The following LRRC43 variants were observed in gnomAD, a reference collection of about 807,000 sequenced individuals.
LRRC43 encodes the protein leucine rich repeat containing 43, also known as leucine-rich repeat-containing protein 43.
In LRRC43, 62 loss-of-function variants were observed where a neutral mutation model predicts 64.3. That is an observed-to-expected ratio of 0.96 (90% confidence interval 0.79 to 1.19). The LOEUF (loss-of-function observed/expected upper bound fraction) is 1.19. LRRC43 is among the 50% of genes most tolerant of loss of function. LRRC43 has a pLI of 0.00. For missense variants in LRRC43, 868 were observed against 845.0 expected, an observed-to-expected ratio of 1.03 and a Z score of -0.34; for synonymous variants, 422 against 382.3, an observed-to-expected ratio of 1.10 and a Z score of -1.21.
chr12:122,182,906 A>G, upstream of LRRC43: 1 of 561,556 alleles, frequency 1.8e-6, no homozygotes, highest in Non-Finnish European at 3.0e-6. Flanking sequence ...GGAGTGCTTG[A>G]CAGGAGCTAA....
intron 1 of LRRC43, chr12:122,172,612 C>T: frequency 6.2e-7 from 1 of 1,614,104 alleles, no homozygotes; most frequent in Non-Finnish European, 8.5e-7. Flanking sequence ...GATTTGTTGT[C>T]TAGCTGTCTG....
Position 122,200,873 on chromosome 12 carries a change from C to T in LRRC43, c.1748C>T (p.Ser583Phe). ...CTGCTCGCCGGGGAGCCCCTGGTGTCCACCGTGTGCAACTTCGGCGTGGTC... is the reference window on the plus strand; with the variant it reads ...CTGCTCGCCGGGGAGCCCCTGGTGTTCACCGTGTGCAACTTCGGCGTGGTC... ...EPLLAGEPLV[S>F]TVCNFGVVRT... is the part of the protein sequence containing the mutation. Residue 583 changes from serine (S) to phenylalanine (F), a missense_variant, in exon 10 of 12, where the codon TCC (serine) becomes TTC (phenylalanine). Transcript: ENST00000339777. The surrounding 1 kb of genome is among the most constrained non-coding windows in gnomAD (Gnocchi z 4.6). 1 of 1,612,930 alleles carries T rather than the reference C, an allele frequency of 6.2e-7. No individual in the cohort carries two copies. The highest frequency in any genetic ancestry group is 2.2e-5 in the East Asian group (1 of 44,880).
chr12:122,196,614 A>C (rs1953775048), intron 7 of LRRC43, among the ~76,000 whole-genome samples: 1 of 152,000 alleles, frequency 6.6e-6, no homozygotes, highest in African/African-American at 2.4e-5. Context: ...CTAAAAATAT[A>C]AAAAATTATC....
At chr12:122,169,078 C>A (rs1212354256) in intron 1 of LRRC43, among the ~76,000 whole-genome samples, 4 of 152,120 alleles carry the variant, frequency 2.6e-5, no homozygotes, top group African/African-American at 9.7e-5. Context: ...GCTCACTGGC[C>A]AGAGGTGGTG....
In LRRC43 at chr12:122,188,063, G is replaced by A. The variant is rs1463114200; in HGVS notation, c.662+223G>A. On this transcript the variant is annotated intron_variant, in intron 4 of 11. Coordinates refer to ENST00000339777, the MANE Select transcript of LRRC43 (RefSeq NM_001098519.2). ...CAAGAGGTAGTAGGTGTGAGTCAGA[G>A]CCTTTGCTTTGGTGCCGTATTTTAA... is the stretch of plus-strand genomic sequence containing the variant. 136 of 420,914 alleles carry A rather than the reference G, an allele frequency of 3.2e-4. No homozygotes were observed. The East Asian group carries it at 4.9e-3, about 15-fold the overall frequency. 26.1% of individuals were successfully genotyped at this position (420,914 alleles called of 1,614,324 possible). A position where few individuals can be genotyped will look rare whatever the true frequency, so the allele number is the denominator to read the frequency against.
intron 1 of LRRC43, among the ~76,000 whole-genome samples, chr12:122,176,535 G>GTTTTGTT (rs1555238010): frequency 1.4e-5 from 2 of 144,384 alleles, no homozygotes; most frequent in South Asian, 2.2e-4. Context: ...CTTTTGTTTT[G>GTTTTGTT]TTTTTTTTTT....
At chr12:122,168,518 A>G (rs746805621) in intron 1 of LRRC43, among the ~76,000 whole-genome samples, 10 of 151,152 alleles carry the variant, frequency 6.6e-5, no homozygotes, top group African/African-American at 1.9e-4. Flanking sequence ...CGAGCTGATC[A>G]CTCAAGTGAT....
chr12:122,181,690 C>T (rs2136025089), upstream of LRRC43, among the ~76,000 whole-genome samples: 1 of 150,066 alleles, frequency 6.7e-6, no homozygotes, highest in East Asian at 2.0e-4. Flanking sequence ...ACTGCAACCT[C>T]CGCCTCCTGG....
At chr12:122,188,722 T>C (rs934234901) in intron 4 of LRRC43, among the ~76,000 whole-genome samples, 1 of 152,206 alleles carries the variant, frequency 6.6e-6, no homozygotes, top group Non-Finnish European at 1.5e-5. Context: ...ATTACAGGCG[T>C]GAGCCACCGC....
Position 122,184,715 on chromosome 12 carries a change from C to A in LRRC43, c.347C>A (p.Pro116Gln). ...CTGAGAGAATTGGCCATCCGGAACC[C>A]GCTGACGATCACAGACACCTTCTTC... ...SFLRELAIRNPLTITDTFFYS... is the reference protein window; with the variant it reads ...SFLRELAIRNQLTITDTFFYS... The change falls in exon 2 of 12, where the codon CCG becomes CAG. Residue 116 changes from proline to glutamine, a missense_variant. Coordinates refer to ENST00000339777, the MANE Select transcript of LRRC43 (RefSeq NM_001098519.2). This position sits in a 1 kb window ranked among gnomAD's most constrained non-coding sequence, Gnocchi z 4.0. 1 of 1,613,788 alleles carries A rather than the reference C, an allele frequency of 6.2e-7. No homozygotes were observed. Among genetic ancestry groups the A allele is most frequent in the Non-Finnish European group, 8.5e-7 (1 of 1,179,806 alleles).
At chr12:122,185,111 G>A (rs1953628382) in intron 2 of LRRC43, among the ~76,000 whole-genome samples, 1 of 152,150 alleles carries the variant, frequency 6.6e-6, no homozygotes, top group Non-Finnish European at 1.5e-5. Flanking sequence ...TGGGGGTCAG[G>A]GTAGGGGAAG....
At chr12:122,198,607 T>C (rs968688797) in intron 7 of LRRC43, among the ~76,000 whole-genome samples, 2 of 151,110 alleles carry the variant, frequency 1.3e-5, no homozygotes, top group Admixed American at 6.6e-5. Context: ...GTGTAATAAG[T>C]ATCAGTGCTT....
intron 1 of LRRC43, among the ~76,000 whole-genome samples, chr12:122,177,244 C>T (rs7968808): frequency 0.44 from 67,301 of 151,892 alleles, 15,250 homozygotes; most frequent in East Asian, 0.69. Context: ...AGAGAGATTA[C>T]GAGCAAGAGA....
At chr12:122,182,077 G>A (rs893718704), upstream of LRRC43, among the ~76,000 whole-genome samples, 5 of 151,818 alleles carry the variant, frequency 3.3e-5, no homozygotes, top group Non-Finnish European at 5.9e-5. Context: ...TCAGGAATGG[G>A]ATCAATGTCC....
rs79635862 is a variant in LRRC43 at position 122,200,592 on chromosome 12, A to G, written c.1552A>G (p.Lys518Glu). 2.1e-3 allele frequency: 3,235 copies of G among 1,523,184 alleles called. 65 individuals are homozygous for G. The African/African-American group carries it at 0.036, about 17-fold the overall frequency. 94.4% of individuals were successfully genotyped at this position (1,523,184 alleles called of 1,614,324 possible). The change falls in exon 9 of 12, where the codon AAG becomes GAG. Residue 518 changes from lysine (K) to glutamate (E), a missense_variant. By Grantham distance (56) the Lys-to-Glu change is moderately conservative (BLOSUM62 1). Coordinates refer to ENST00000339777, the MANE Select transcript of LRRC43 (RefSeq NM_001098519.2). The surrounding 1 kb of genome is among the most constrained non-coding windows in gnomAD (Gnocchi z 4.6). ...CAGTCCCCTGTCTGCCAAGAAAGGA[A>G]AGGGGGAGAAAGACAAGAAAGGGAA... ...VDSPLSAKKG[K>E]GEKDKKGKEK...
At chr12:122,177,310 G>A (rs1002437107) in intron 1 of LRRC43, among the ~76,000 whole-genome samples, 4 of 152,098 alleles carry the variant, frequency 2.6e-5, no homozygotes, top group Admixed American at 2.0e-4. Flanking sequence ...TGGAAAGCAC[G>A]AGAAGGAAAT....
At chr12:122,174,035 C>T (rs1953514684) in intron 1 of LRRC43, 1 of 1,613,336 alleles carries the variant, frequency 6.2e-7, no homozygotes, top group Non-Finnish European at 8.5e-7. Flanking sequence ...TCACACACCC[C>T]TGCCCACCCT....
intron 1 of LRRC43, among the ~76,000 whole-genome samples, chr12:122,167,972 A>G (rs1281839760): frequency 1.3e-5 from 2 of 151,356 alleles, no homozygotes; most frequent in African/African-American, 2.4e-5. Context: ...GCACCACCAC[A>G]CCTGGCTAAT....
At chr12:122,169,715 C>CAA (rs1156784202) in intron 1 of LRRC43, among the ~76,000 whole-genome samples, 171 of 49,014 alleles carry the variant, frequency 3.5e-3, no homozygotes, top group East Asian at 6.3e-3. Flanking sequence ...GACTCCGTCT[C>CAA]AAAAAAAAAA....
Sources: allele counts gnomAD v4.1 joint callset (sites outside exome capture counted in the v4.1 genomes callset), GRCh38; gene constraint gnomAD v4.1.1; non-coding constraint Gnocchi (gnomAD v3.1); transcripts MANE v1.5; gene names NCBI Gene and HGNC (gene_info 2026-07-23, HGNC 2026-07-21).